GABRA3: variants seen among roughly 807,000 people sequenced by gnomAD.
GABRA3 encodes gamma-aminobutyric acid receptor subunit alpha-3.
A neutral mutation model predicts 30.1 loss-of-function variants in GABRA3; 10 were observed. The ratio of observed to expected loss-of-function variants is 0.33; its 90% CI spans 0.20 to 0.56. The LOEUF (loss-of-function observed/expected upper bound fraction) is 0.56, where lower values mean the gene tolerates loss of function less well. Among genes scored for constraint, GABRA3 ranks in the 20% least tolerant of loss-of-function variants. The pLI is 0.89. For synonymous variants in GABRA3, 151 were observed against 146.8 expected, an observed-to-expected ratio of 1.03 and a Z score of -0.21; for missense variants, 233 against 392.0, an observed-to-expected ratio of 0.59 and a Z score of 3.42.
chrX:152,417,096 A>G (rs1930245724), intron 1 of GABRA3, among the ~76,000 whole-genome samples: 1 of 105,060 alleles, frequency 9.5e-6, no homozygotes, highest in Non-Finnish European at 1.9e-5. Flanking sequence ...GCAACCTACA[A>G]AATGGGAGAA....
At chrX:152,439,211 T>TC (rs1176986078) in intron 1 of GABRA3, among the ~76,000 whole-genome samples, 34 of 110,717 alleles carry the variant, frequency 3.1e-4, no homozygotes, top group Admixed American at 5.8e-4. Context: ...CACTGCAAAC[T>TC]CCACCTCCCA....
intron 9 of GABRA3, among the ~76,000 whole-genome samples, chrX:152,175,685 T>C (rs778520709): frequency 9.0e-6 from 1 of 111,641 alleles, no homozygotes; most frequent in African/African-American, 3.3e-5. Context: ...AAGCAAGCTG[T>C]GAAAAGATCT....
At chrX:152,251,101 C>T (rs1466005965) in intron 5 of GABRA3, 7 of 329,718 alleles carry the variant, frequency 2.1e-5, no homozygotes, top group Non-Finnish European at 4.2e-5. Flanking sequence ...GGCCCACCTT[C>T]CTGGATCCAA....
intron 2 of GABRA3, among the ~76,000 whole-genome samples, chrX:152,364,183 A>C (rs1012526219): frequency 1.8e-5 from 2 of 111,529 alleles, no homozygotes; most frequent in Non-Finnish European, 3.8e-5. Flanking sequence ...TGAGGGCAAA[A>C]GAACTATTTT....
chrX:152,407,306 A>G (rs1422060011), intron 1 of GABRA3, among the ~76,000 whole-genome samples: 1 of 112,016 alleles, frequency 8.9e-6, no homozygotes, highest in Non-Finnish European at 1.9e-5. Context: ...TTTTAAAAAA[A>G]TAAACAAAAT....
chrX:152,371,431 G>T (rs777598855), intron 1 of GABRA3, among the ~76,000 whole-genome samples: 14 of 110,762 alleles, frequency 1.3e-4, no homozygotes, highest in South Asian at 3.9e-4. Flanking sequence ...CCTATCTAAT[G>T]CAAGCACCCC....
chrX:152,321,953 T>C (rs1348978219), intron 3 of GABRA3, among the ~76,000 whole-genome samples: 2 of 111,792 alleles, frequency 1.8e-5, no homozygotes, highest in Admixed American at 9.5e-5. Context: ...AAACATTTAA[T>C]CATAGAATTG....
At chrX:152,302,036 T>C (rs1020778925) in intron 3 of GABRA3, among the ~76,000 whole-genome samples, 1 of 111,249 alleles carries the variant, frequency 9.0e-6, no homozygotes, top group Non-Finnish European at 1.9e-5. Flanking sequence ...GAATCTCATA[T>C]TATAAAGAAA....
At chrX:152,288,211 C>T (rs974272433) in intron 3 of GABRA3, among the ~76,000 whole-genome samples, 2 of 111,803 alleles carry the variant, frequency 1.8e-5, no homozygotes, top group African/African-American at 3.3e-5. Context: ...GTGTTCTACA[C>T]GGGGACCACT....
At chrX:152,446,895 C>A (rs79987806) in intron 1 of GABRA3, among the ~76,000 whole-genome samples, 4,736 of 111,645 alleles carry the variant, frequency 0.042, 238 homozygotes, top group East Asian at 0.33. Flanking sequence ...CCAAACACAT[C>A]CCACATAAGT....
chrX:152,299,746 C>T (rs1359068375), intron 3 of GABRA3, among the ~76,000 whole-genome samples: 1 of 111,508 alleles, frequency 9.0e-6, no homozygotes, highest in East Asian at 2.8e-4. Flanking sequence ...AGGTAATTAC[C>T]AAAGACTCTG....
At chrX:152,321,304 C>A (rs1392984086) in intron 3 of GABRA3, among the ~76,000 whole-genome samples, 1 of 111,915 alleles carries the variant, frequency 8.9e-6, no homozygotes, top group Non-Finnish European at 1.9e-5. Context: ...CTAGTTCCAC[C>A]AGTCAAATCA....
At chrX:152,259,765 G>A (rs1470761066) in intron 4 of GABRA3, among the ~76,000 whole-genome samples, 1 of 111,386 alleles carries the variant, frequency 9.0e-6, no homozygotes, top group Non-Finnish European at 1.9e-5. Context: ...CCTTGGATTA[G>A]GCTCTGAGAT....
At chrX:152,396,319 T>A (rs997037430) in intron 1 of GABRA3, among the ~76,000 whole-genome samples, 1 of 112,024 alleles carries the variant, frequency 8.9e-6, no homozygotes, top group East Asian at 2.8e-4. Context: ...TTTAGAACTT[T>A]TAGCCTCCAG....
chrX:152,356,971 ATTTAT>A (rs1026744688), intron 2 of GABRA3, among the ~76,000 whole-genome samples: 3 of 111,936 alleles, frequency 2.7e-5, no homozygotes, highest in African/African-American at 9.7e-5. Context: ...TATGTACCAC[ATTTAT>A]TTTATCTAAT....
chrX:152,316,598 G>T (rs900566123), intron 3 of GABRA3, among the ~76,000 whole-genome samples: 8 of 111,718 alleles, frequency 7.2e-5, no homozygotes, highest in African/African-American at 2.6e-4. Flanking sequence ...AATCTTAAGA[G>T]CTGTGAGGCA....
intron 1 of GABRA3, among the ~76,000 whole-genome samples, chrX:152,437,678 A>C: frequency 8.9e-6 from 1 of 112,182 alleles, no homozygotes; most frequent in Admixed American, 9.4e-5. Flanking sequence ...TCAGTGGAAC[A>C]GAATAGAGAC....
At position 152,431,088 on chromosome X, in the gene GABRA3, T is replaced by C. The variant is rs1041126445; in HGVS notation, c.-27+20058A>G. On this transcript the variant is annotated intron_variant, in intron 1 of 9. Coordinates refer to ENST00000370314, the MANE Select transcript of GABRA3 (RefSeq NM_000808.4). ...AACACAACAGATGAAAAGAATATCC[T>C]ACATGTTTCAAGAGAAAGAAAGACG... is the stretch of plus-strand genomic sequence containing the variant. 3.6e-5 allele frequency among the ~76,000 whole-genome samples: 4 copies of C among 112,012 alleles called. No homozygotes were observed. The Admixed American group carries it at 3.8e-4, about 11-fold the overall frequency.
At chrX:152,239,580 T>A (rs1367184976) in intron 5 of GABRA3, among the ~76,000 whole-genome samples, 1 of 91,920 alleles carries the variant, frequency 1.1e-5, no homozygotes, top group Non-Finnish European at 2.1e-5. Context: ...ATCTGTCTAA[T>A]GTTGACAGTG....
Sources: gnomAD v4.1 joint callset for allele counts (sites outside exome capture counted in the v4.1 genomes callset) on GRCh38, gnomAD v4.1.1 for gene constraint, MANE v1.5 for transcripts, NCBI Gene and HGNC (gene_info 2026-07-23, HGNC 2026-07-21) for gene names.